The following SLC44A5 variants were observed in gnomAD, a reference collection of about 807,000 sequenced individuals.
SLC44A5 encodes solute carrier family 44 member 5.
In SLC44A5, 57 loss-of-function variants were observed where a neutral mutation model predicts 101.8. The ratio of observed to expected loss-of-function variants is 0.56; its 90% CI spans 0.45 to 0.70. SLC44A5 has a LOEUF of 0.70. Ranked by LOEUF, SLC44A5 falls within the 30% of genes least tolerant of loss-of-function variation. The pLI is 0.00. For missense variants in SLC44A5, 737 were observed against 853.1 expected (o/e 0.86, Z 1.70); for synonymous variants, 281 against 290.9 (o/e 0.97, Z 0.35).
At chr1:75,302,136 T>TTTTTTTTTTA (rs1654533084) in intron 4 of SLC44A5, among the ~76,000 whole-genome samples, 1 of 140,414 alleles carries the variant, frequency 7.1e-6, no homozygotes, top group Non-Finnish European at 1.5e-5. Flanking sequence ...TTTTTTTTTT[T>TTTTTTTTTTA]GGTTAACAAC....
intron 2 of SLC44A5, among the ~76,000 whole-genome samples, chr1:75,400,539 T>G (rs1271817698): frequency 6.6e-6 from 1 of 152,206 alleles, no homozygotes; most frequent in Admixed American, 6.5e-5. Context: ...CTCTTTGGGC[T>G]TCAGGTGCCA....
intron 1 of SLC44A5, among the ~76,000 whole-genome samples, chr1:75,571,690 GTTAGGTGTATTAAATGCCTTTTTGAC>G (rs1191017799): frequency 6.6e-6 from 1 of 152,204 alleles, no homozygotes; most frequent in Non-Finnish European, 1.5e-5. Context: ...TGTTTGGTAG[GTTAGGTGTATTAAATGCCTTTTTGAC>G]TTAGGTGTAT....
intron 6 of SLC44A5, among the ~76,000 whole-genome samples, chr1:75,266,634 C>A (rs1199674547): frequency 1.3e-5 from 2 of 152,178 alleles, no homozygotes; most frequent in Non-Finnish European, 2.9e-5. Flanking sequence ...TTGTTGAGGA[C>A]CTGATCAGAT....
At chr1:75,480,693 C>A (rs1296474940) in intron 2 of SLC44A5, among the ~76,000 whole-genome samples, 1 of 151,984 alleles carries the variant, frequency 6.6e-6, no homozygotes, top group African/African-American at 2.4e-5. Context: ...ATCCACCTTA[C>A]AAGGGATGTG....
chr1:75,273,930 G>A (rs566619745), intron 6 of SLC44A5, among the ~76,000 whole-genome samples: 1 of 152,072 alleles, frequency 6.6e-6, no homozygotes, highest in African/African-American at 2.4e-5. Flanking sequence ...CTATCTTTCG[G>A]AATAGTTTTA....
chr1:75,527,676 T>C (rs1670496299), intron 2 of SLC44A5, among the ~76,000 whole-genome samples: 1 of 151,686 alleles, frequency 6.6e-6, no homozygotes, highest in Admixed American at 6.6e-5. Context: ...TTAAATTGAT[T>C]TCTCTTTTTA....
At chr1:75,510,495 G>A (rs925987710) in intron 2 of SLC44A5, among the ~76,000 whole-genome samples, 1 of 152,080 alleles carries the variant, frequency 6.6e-6, no homozygotes, top group Non-Finnish European at 1.5e-5. Flanking sequence ...AGAGACATGA[G>A]ACTTATTCAG....
chr1:75,697,950 T>TA, the SLC44A5 span, among the ~76,000 whole-genome samples: 1 of 152,140 alleles, frequency 6.6e-6, no homozygotes, highest in Non-Finnish European at 1.5e-5. Flanking sequence ...CCAACGGGCT[T>TA]AAAAAACCAT....
chr1:75,299,415 A>C (rs1453299942), intron 5 of SLC44A5, among the ~76,000 whole-genome samples: 3 of 152,190 alleles, frequency 2.0e-5, no homozygotes, highest in African/African-American at 7.2e-5. Context: ...TATTTCTCTT[A>C]TTGGAAGATA....
Position 75,285,806 on chromosome 1 carries a change from G to C in SLC44A5, c.176-10764C>G, listed in dbSNP as rs376089870. 6.6e-5 allele frequency among the ~76,000 whole-genome samples: 10 copies of C among 151,974 alleles called. No individual in the cohort carries two copies. The East Asian group carries it at 1.5e-3, about 23-fold the overall frequency. Reference sequence around the variant, plus strand: ...AGAGTTCCTTTATGAGTTCATTTCTGATTTTATTCTACTGTGGTTTGAGGG... The same window carrying C: ...AGAGTTCCTTTATGAGTTCATTTCTCATTTTATTCTACTGTGGTTTGAGGG... On this transcript the variant is annotated intron_variant, in intron 5 of 23. Transcript: ENST00000370859.
rs1206950957 is a variant in SLC44A5 at position 75,300,646 on chromosome 1, C to T, written c.141G>A (p.Leu47=). 1.9e-6 allele frequency: 3 copies of T among 1,606,420 alleles called. No homozygotes were observed. Among genetic ancestry groups the T allele is most frequent in the Admixed American group, 1.7e-5 (1 of 59,190 alleles). The change falls in exon 5 of 24, where the codon CTG becomes CTA. Residue 47 remains leucine, a synonymous_variant. Transcript: ENST00000370859. ...TDVLCCMIFL[L]CIIGYIVLGL... The stretch of plus-strand genomic sequence containing the variant: ...CTAAAACAATGTAGCCAATAATACA[C>T]AGTAGGAAGATCATACAGCACAGAA...
At chr1:75,211,401 T>TG in intron 23 of SLC44A5, 67 bp downstream of exon 23, 2 of 1,263,622 alleles carry the variant, frequency 1.6e-6, no homozygotes, top group East Asian at 4.8e-5. Context: ...GCTAAGGACA[T>TG]GGGCCTTCAC....
chr1:75,344,947 C>T (rs931994439), intron 3 of SLC44A5, among the ~76,000 whole-genome samples: 4 of 151,988 alleles, frequency 2.6e-5, no homozygotes, highest in Non-Finnish European at 4.4e-5. Flanking sequence ...GGTTATTTCT[C>T]TGTTCCTGTT....
At chr1:75,250,335 T>G (rs1373976599) in intron 7 of SLC44A5, among the ~76,000 whole-genome samples, 2 of 152,184 alleles carry the variant, frequency 1.3e-5, no homozygotes, top group African/African-American at 2.4e-5. Context: ...CGTGACCTTG[T>G]TCTTTTTTAT....
intron 6 of SLC44A5, among the ~76,000 whole-genome samples, chr1:75,261,202 A>G (rs1650472392): frequency 6.6e-6 from 1 of 152,164 alleles, no homozygotes; most frequent in African/African-American, 2.4e-5. Context: ...CAGAGACACA[A>G]AAAACTCTTC....
In SLC44A5 at chr1:75,476,434, G is replaced by A. The variant is rs184274386; in HGVS notation, c.13+65001C>T. 9.0e-3 allele frequency among the ~76,000 whole-genome samples: 1,362 copies of A among 150,790 alleles called. 21 individuals carry two copies. The highest frequency in any genetic ancestry group is 0.031 in the African/African-American group (1,257 of 40,130). ...GGGTGCAGCGCACCGTGCACGAGCC[G>A]AAGCAGGGCGAGGCATTGCCTCACT... is the stretch of plus-strand genomic sequence containing the variant. On this transcript the variant is annotated intron_variant, in intron 2 of 23. Coordinates refer to ENST00000370859, the MANE Select transcript of SLC44A5 (RefSeq NM_001130058.2).
At chr1:75,682,268 T>G in the SLC44A5 span, among the ~76,000 whole-genome samples, 12 of 152,072 alleles carry the variant, frequency 7.9e-5, no homozygotes, top group African/African-American at 2.7e-4. Flanking sequence ...AAAGTTCATA[T>G]GGAACCAAAA....
chr1:75,611,219 A>T (rs930882451), upstream of SLC44A5: 13 of 343,318 alleles, frequency 3.8e-5, no homozygotes, highest in Non-Finnish European at 5.3e-5. Flanking sequence ...TGCTAGCCTC[A>T]AAGGAGTCAC....
At chr1:75,366,084 C>T (rs1659837243) in intron 3 of SLC44A5, among the ~76,000 whole-genome samples, 1 of 152,126 alleles carries the variant, frequency 6.6e-6, no homozygotes. Context: ...TTACACACCA[C>T]CATTAAAGTA....
Sources: allele counts gnomAD v4.1 joint callset (sites outside exome capture counted in the v4.1 genomes callset), GRCh38; gene constraint gnomAD v4.1.1; transcripts MANE v1.5; gene names NCBI Gene and HGNC (gene_info 2026-07-23, HGNC 2026-07-21).